Variants in CUBN observed in about 807,000 individuals in gnomAD.
The protein encoded by CUBN is cubilin.
CUBN carries 282 observed loss-of-function variants against 405.3 expected under a neutral mutation model. The observed-to-expected ratio is 0.70, with a 90% CI of 0.63 to 0.77. CUBN has a LOEUF of 0.77. CUBN is among the 30% of genes least tolerant of loss of function. The pLI, the probability that CUBN is intolerant of heterozygous loss-of-function variation, is 0.00. For synonymous variants in CUBN, 1,684 were observed against 1,617.0 expected, an observed-to-expected ratio of 1.04 and a Z score of -0.99; for missense variants, 4,514 against 4,475.2, an observed-to-expected ratio of 1.01 and a Z score of -0.25.
rs780576230 is a variant in CUBN, at chr10:16,940,204, G to T, written c.5376C>A (p.Ser1792Arg). The T allele has an allele frequency of 6.2e-7, 1 of 1,614,100 alleles. No individual in the cohort carries two copies. The change falls in exon 37 of 67, where the codon AGC (serine) becomes AGA (arginine). Residue 1792 changes from serine to arginine, a missense_variant. By Grantham distance (110) the Ser-to-Arg change is moderately radical (BLOSUM62 -1). Around this residue, in one of 5 missense-constraint regions of CUBN, gnomAD observed 1,613 missense variants for 1,542.8 expected, o/e 1.05. Coordinates refer to ENST00000377833, the MANE Select transcript of CUBN (RefSeq NM_001081.4). ...SFQLEDSQDC[S>R]RDFVEIREGN... Reference sequence around the variant, plus strand: ...CTTCACGGATCTCCACAAAATCTCTGCTGCAGTCCTGAGAGTCTTCCAACT... The same window carrying T: ...CTTCACGGATCTCCACAAAATCTCTTCTGCAGTCCTGAGAGTCTTCCAACT...
intron 24 of CUBN, 67 bp from the exon 25 acceptor site, chr10:17,045,255 G>C: frequency 1.4e-6 from 2 of 1,456,468 alleles, no homozygotes; most frequent in Non-Finnish European, 1.9e-6. Flanking sequence ...CTTTTTGTCT[G>C]CATTAAACTG....
At chr10:16,915,545 A>G (rs1841859679) in intron 46 of CUBN, among the ~76,000 whole-genome samples, 1 of 152,120 alleles carries the variant, frequency 6.6e-6, no homozygotes, top group Non-Finnish European at 1.5e-5. Context: ...GCATGTGGCA[A>G]TGGGATGTCT....
In CUBN at chr10:16,925,680, G is replaced by T. The variant is rs774532398; in HGVS notation, c.6366C>A (p.Val2122=). The T allele has an allele frequency of 1.3e-5, 21 of 1,613,948 alleles. No homozygotes were observed. The Admixed American group carries it at 3.5e-4, about 27-fold the overall frequency. The change falls in exon 42 of 67, where the codon GTC becomes GTA. Residue 2122 remains valine, a synonymous_variant. Transcript: ENST00000377833. Reference sequence around the variant, plus strand: ...CAATGGTCAGGCCACTTTGGACCAGGACGTGCCAAGAACAGTTGAGGTTGG... The same window carrying T: ...CAATGGTCAGGCCACTTTGGACCAGTACGTGCCAAGAACAGTTGAGGTTGG... ...YPSNLNCSWH[V]LVQSGLTIAV...
intron 59 of CUBN, among the ~76,000 whole-genome samples, chr10:16,859,374 T>C (rs541510667): frequency 6.6e-6 from 1 of 152,184 alleles, no homozygotes; most frequent in African/African-American, 2.4e-5. Flanking sequence ...CACGTGAAAA[T>C]TGTTCACCAT....
At chr10:16,873,196 A>T (rs1457006297) in intron 58 of CUBN, among the ~76,000 whole-genome samples, 1 of 152,202 alleles carries the variant, frequency 6.6e-6, no homozygotes, top group Non-Finnish European at 1.5e-5. Context: ...TATTACTGTC[A>T]GAGTTTCCCA....
At position 16,866,381 on chromosome 10, in the gene CUBN, G is replaced by C. The variant is rs961295678; in HGVS notation, c.9454+3255C>G. ...TTAAAAATACGTTTGCAAGTGTGAAGTGATTTGTACAGGACACACATAAAC... is the reference window on the plus strand; with the variant it reads ...TTAAAAATACGTTTGCAAGTGTGAACTGATTTGTACAGGACACACATAAAC... On this transcript the variant is annotated intron_variant, in intron 59 of 66. Transcript: ENST00000377833. Among the ~76,000 whole-genome samples, 31 of 152,146 alleles carry C rather than the reference G, an allele frequency of 2.0e-4. 1 individual carries two copies. Among genetic ancestry groups the C allele is most frequent in the Non-Finnish European group, 1.5e-5 (1 of 68,030 alleles).
At chr10:16,985,651 G>A (rs1044859904) in intron 29 of CUBN, among the ~76,000 whole-genome samples, 1 of 152,222 alleles carries the variant, frequency 6.6e-6, no homozygotes, top group African/African-American at 2.4e-5. Context: ...CCGTACTGTG[G>A]GTAGCATCTT....
intron 35 of CUBN, 109 bp from the exon 36 acceptor site, chr10:16,947,476 G>C (rs560113638): frequency 1.1e-4 from 127 of 1,167,736 alleles, no homozygotes; most frequent in Non-Finnish European, 1.5e-4. Flanking sequence ...AGAATAGATA[G>C]TATTTCCATC....
chr10:17,011,344 G>A (rs1240191639), intron 28 of CUBN, among the ~76,000 whole-genome samples: 1 of 152,144 alleles, frequency 6.6e-6, no homozygotes, highest in Admixed American at 6.5e-5. Flanking sequence ...CCTTCCAGTG[G>A]GTTCGTGGTC....
At chr10:16,979,128 C>T (rs2131688236) in intron 31 of CUBN, among the ~76,000 whole-genome samples, 1 of 152,238 alleles carries the variant, frequency 6.6e-6, no homozygotes, top group Admixed American at 6.5e-5. Flanking sequence ...AGGAATACAA[C>T]TTACAAGGGA....
At chr10:16,927,791 G>A (rs768457998) in intron 41 of CUBN, among the ~76,000 whole-genome samples, 4 of 152,200 alleles carry the variant, frequency 2.6e-5, no homozygotes, top group Admixed American at 6.5e-5. Context: ...AAATGATGAC[G>A]TTTTGCTCCT....
intron 47 of CUBN, among the ~76,000 whole-genome samples, chr10:16,914,284 G>A (rs547067296): frequency 9.9e-5 from 15 of 152,110 alleles, no homozygotes; most frequent in Non-Finnish European, 1.6e-4. Flanking sequence ...CAGGAAAATC[G>A]GGCCAGGCAT....
intron 17 of CUBN, among the ~76,000 whole-genome samples, chr10:17,083,062 A>G (rs1836007468): frequency 1.3e-5 from 2 of 152,042 alleles, no homozygotes; most frequent in South Asian, 4.1e-4. Flanking sequence ...TAAAAAAAAA[A>G]GGGTTAATAA....
At chr10:16,853,333 C>T (rs1412372668) in intron 59 of CUBN, among the ~76,000 whole-genome samples, 2 of 152,278 alleles carry the variant, frequency 1.3e-5, no homozygotes, top group East Asian at 3.9e-4. Flanking sequence ...AGTTAAACTT[C>T]GCTGGGATTG....
chr10:17,070,247 AAG>A (rs1468808555), intron 19 of CUBN, among the ~76,000 whole-genome samples: 2 of 152,252 alleles, frequency 1.3e-5, no homozygotes, highest in Admixed American at 6.5e-5. Context: ...TTACTTCAAT[AAG>A]ATACTGTCTT....
Position 17,068,618 on chromosome 10 carries a change from A to C in CUBN, c.2778T>G (p.Ser926Arg), listed in dbSNP as rs371127860. ...ACAGTCTCTTACCCAAATCCTCAGC[A>C]CTGAACTTAGCCATGAAACCATGGT... is the stretch of plus-strand genomic sequence containing the variant. ...TENHGFMAKF[S>R]AEDLACGEIL... Residue 926 changes from serine to arginine, a missense_variant, in exon 20 of 67, where the codon AGT becomes AGG. Ser to Arg is a moderately radical substitution (Grantham distance 110). Around this residue, in one of 5 missense-constraint regions of CUBN, gnomAD observed 1,448 missense variants for 1,388.0 expected, o/e 1.04. Coordinates refer to ENST00000377833, the MANE Select transcript of CUBN (RefSeq NM_001081.4). 2.7e-5 allele frequency: 43 copies of C among 1,612,910 alleles called. No homozygotes were observed. The African/African-American group carries it at 4.4e-4, about 17-fold the overall frequency.
chr10:16,890,746 T>A (rs530895869), intron 54 of CUBN, among the ~76,000 whole-genome samples: 1 of 152,314 alleles, frequency 6.6e-6, no homozygotes, highest in South Asian at 2.1e-4. Flanking sequence ...GGAGATGGTG[T>A]TCCTTTTTGC....
At position 16,828,928 on chromosome 10, in the gene CUBN, C is replaced by T. The variant is rs145909413; in HGVS notation, c.10641G>A (p.Arg3547=). 2.3e-4 allele frequency: 372 copies of T among 1,614,134 alleles called. 1 individual carries two copies. The highest frequency in any genetic ancestry group is 6.7e-4 in the Admixed American group (40 of 60,022). The part of the protein sequence containing the change: ...CEWVLVAPAG[R]LVTINFYFIS... ...TGAAGTAGAAGTTGATGGTGACAAG[C>T]CTTCCAGCAGGAGCAACAAGGACCC... The change falls in exon 66 of 67, where the codon AGG becomes AGA. Residue 3547 remains arginine (R), a synonymous_variant. Coordinates refer to ENST00000377833, the MANE Select transcript of CUBN (RefSeq NM_001081.4).
intron 44 of CUBN, among the ~76,000 whole-genome samples, chr10:16,919,105 G>A (rs943493125): frequency 6.6e-6 from 1 of 152,036 alleles, no homozygotes; most frequent in Non-Finnish European, 1.5e-5. Flanking sequence ...TAGTCCCTAG[G>A]AATTTCAAAA....
Sources: allele counts gnomAD v4.1 joint callset (sites outside exome capture counted in the v4.1 genomes callset), GRCh38; gene constraint gnomAD v4.1.1; regional missense constraint gnomAD v4.1.1; transcripts MANE v1.5; gene names NCBI Gene and HGNC (gene_info 2026-07-23, HGNC 2026-07-21).